The following ZNF507 variants were observed in gnomAD, a reference collection of about 807,000 sequenced individuals.
ZNF507 encodes the protein zinc finger protein 507.
Under a neutral mutation model 80.0 loss-of-function variants are expected in ZNF507, and 29 were observed. That is an observed-to-expected ratio of 0.36 (90% CI 0.27 to 0.49). The LOEUF is 0.49. ZNF507 is among the 20% of genes least tolerant of loss of function. The pLI is 0.98. For synonymous variants in ZNF507, 462 were observed against 422.5 expected (o/e 1.09, Z -1.15); for missense variants, 1,081 against 1,152.2 (o/e 0.94, Z 0.90).
intron 5 of ZNF507, among the ~76,000 whole-genome samples, chr19:32,375,400 G>A (rs759053992): frequency 6.6e-6 from 1 of 152,220 alleles, no homozygotes; most frequent in Non-Finnish European, 1.5e-5. Flanking sequence ...AAACATGAAG[G>A]ACACAGGGAC....
chr19:32,361,687 CTTCCTTTCCTTCCTTTCCTTCCTTCCT>C (rs2145325553), intron 5 of ZNF507, among the ~76,000 whole-genome samples: 1 of 20,742 alleles, frequency 4.8e-5, no homozygotes, highest in African/African-American at 1.1e-4. Context: ...CCTTTCCTTC[CTTCCTTTCCTTCCTTTCCTTCCTTCCT>C]TTCCTTTCTT....
chr19:32,354,985 G>A, intron 3 of ZNF507, 28 bp downstream of exon 3: 2 of 1,551,172 alleles, frequency 1.3e-6, no homozygotes, highest in Non-Finnish European at 1.7e-6. Context: ...AAGTCTTTCA[G>A]AGGACCTTCG....
At chr19:32,370,853 G>A (rs1967460773) in intron 5 of ZNF507, among the ~76,000 whole-genome samples, 1 of 152,090 alleles carries the variant, frequency 6.6e-6, no homozygotes, top group Admixed American at 6.5e-5. Context: ...GAATTTGATG[G>A]TTTCTGATAT....
rs1034844952 is a variant in ZNF507 at position 32,384,120 on chromosome 19, T to C, written c.*1037T>C. On this transcript the variant is annotated 3_prime_UTR_variant, in exon 7 of 7. Coordinates refer to ENST00000355898, the MANE Select transcript of ZNF507 (RefSeq NM_001136156.2). ...TTCCTGGGGTATATTAATTTAGTTA[T>C]ATTTAGCAGAAGAGGAATATAACCA... is the stretch of plus-strand genomic sequence containing the variant. 6.6e-6 allele frequency: 1 copy of C among 152,256 alleles called. No individual in the cohort carries two copies. The highest frequency in any genetic ancestry group is 1.5e-5 in the Non-Finnish European group (1 of 68,052). 9.4% of individuals were successfully genotyped at this position (152,256 alleles called of 1,614,324 possible).
In ZNF507 at chr19:32,354,837, T is replaced by C. The variant is rs781408756; in HGVS notation, c.2007T>C (p.Tyr669=). 7 of 1,614,046 alleles carry C rather than the reference T, an allele frequency of 4.3e-6. No individual in the cohort carries two copies. Among genetic ancestry groups the C allele is most frequent in the Non-Finnish European group, 5.9e-6 (7 of 1,180,036 alleles). The change falls in exon 3 of 7, where the codon TAT becomes TAC. Residue 669 remains tyrosine, a synonymous_variant. Coordinates refer to ENST00000355898, the MANE Select transcript of ZNF507 (RefSeq NM_001136156.2). ...GAGTCCATCGACAGAGACAGCCTTA[T>C]CAGTGTCCTATCTGCGAGCACATAG... The part of the protein sequence containing the change: ...HLRVHRQRQP[Y]QCPICEHIAD...
chr19:32,380,533 A>T, intron 5 of ZNF507: 2 of 1,420,550 alleles, frequency 1.4e-6, no homozygotes, highest in Non-Finnish European at 1.9e-6. Context: ...ACCGTATTTA[A>T]TTGTTTTATT....
At position 32,385,132 on chromosome 19, in the gene ZNF507, C is replaced by G. The variant is rs1166374449; in HGVS notation, c.*2049C>G. On this transcript the variant is annotated 3_prime_UTR_variant, in exon 7 of 7. Transcript: ENST00000355898. ...AATTTCCTTGGCTTTAGTTTTATATCATATTTAGAAAATAATAATGAAAAG... is the reference window on the plus strand; with the variant it reads ...AATTTCCTTGGCTTTAGTTTTATATGATATTTAGAAAATAATAATGAAAAG... 1 of 152,070 alleles carries G rather than the reference C, an allele frequency of 6.6e-6. No individual in the cohort carries two copies. The highest frequency in any genetic ancestry group is 2.4e-5 in the African/African-American group (1 of 41,420). The allele number at this position is 152,070 out of a possible 1,614,324, so 9.4% of individuals were successfully genotyped here. A position where few individuals can be genotyped will look rare whatever the true frequency, so the allele number is the denominator to read the frequency against.
At chr19:32,372,517 G>A (rs992146599) in intron 5 of ZNF507, among the ~76,000 whole-genome samples, 4 of 151,944 alleles carry the variant, frequency 2.6e-5, no homozygotes, top group African/African-American at 7.3e-5. Flanking sequence ...TCTGCAGGCC[G>A]AAAAGTTTGA....
At chr19:32,377,261 A>G (rs1276025184) in intron 5 of ZNF507, among the ~76,000 whole-genome samples, 1 of 152,038 alleles carries the variant, frequency 6.6e-6, no homozygotes, top group Non-Finnish European at 1.5e-5. Flanking sequence ...TCCGCTTGGC[A>G]ATGGGCATCT....
rs1967655603 is a variant in ZNF507 at position 32,383,887 on chromosome 19, T to C, written c.*804T>C. 1 of 152,240 alleles carries C rather than the reference T, an allele frequency of 6.6e-6. No homozygotes were observed. Among genetic ancestry groups the C allele is most frequent in the African/African-American group, 2.4e-5 (1 of 41,468 alleles). 9.4% of individuals were successfully genotyped at this position (152,240 alleles called of 1,614,324 possible). A position where few individuals can be genotyped will look rare whatever the true frequency, so the allele number is the denominator to read the frequency against. On this transcript the variant is annotated 3_prime_UTR_variant, in exon 7 of 7. Coordinates refer to ENST00000355898, the MANE Select transcript of ZNF507 (RefSeq NM_001136156.2). ...CAGTGTCTGTCAGAACTTGGCATAC[T>C]TTCTCCATAGTACGTAGACCTTCTA... is the stretch of plus-strand genomic sequence containing the variant.
chr19:32,369,344 C>T (rs966827438), intron 5 of ZNF507, among the ~76,000 whole-genome samples: 1 of 152,150 alleles, frequency 6.6e-6, no homozygotes, highest in African/African-American at 2.4e-5. Flanking sequence ...TATGACTTTG[C>T]CTTGGTAGAC....
intron 4 of ZNF507, among the ~76,000 whole-genome samples, chr19:32,360,071 C>T (rs1222202075): frequency 6.6e-6 from 1 of 152,132 alleles, no homozygotes; most frequent in Non-Finnish European, 1.5e-5. Flanking sequence ...CATAGCCACA[C>T]TTTATAATAT....
At chr19:32,375,448 C>T (rs1335943530) in intron 5 of ZNF507, among the ~76,000 whole-genome samples, 1 of 152,180 alleles carries the variant, frequency 6.6e-6, no homozygotes, top group Non-Finnish European at 1.5e-5. Context: ...TCAGTGTAGT[C>T]CATGCTGTGA....
In ZNF507 at chr19:32,354,770, A is replaced by G. The variant is rs747329123; in HGVS notation, c.1940A>G (p.His647Arg). 9.9e-6 allele frequency: 16 copies of G among 1,614,048 alleles called. No homozygotes were observed. In the East Asian group the frequency reaches 2.7e-4, roughly 27 times the overall value. ...AERPYRCRLC[H>R]YTSGNKGYIK... The stretch of plus-strand genomic sequence containing the variant: ...CGACCCTACCGTTGCCGCCTGTGTC[A>G]CTACACAAGTGGCAACAAGGGCTAC... Residue 647 changes from histidine to arginine, a missense_variant, in exon 3 of 7, where the codon CAC becomes CGC. Physicochemically the swap from His to Arg is conservative, Grantham distance 29. This residue lies in a region of ZNF507 where 614 missense variants were observed against 583.9 expected (regional missense o/e 1.05). Coordinates refer to ENST00000355898, the MANE Select transcript of ZNF507 (RefSeq NM_001136156.2).
At position 32,352,815 on chromosome 19, in the gene ZNF507, A is replaced by G. The variant is rs77674535; in HGVS notation, c.-2-14A>G. On this transcript the variant is annotated splice_polypyrimidine_tract_variant and intron_variant, in intron 2 of 6. Coordinates refer to ENST00000355898, the MANE Select transcript of ZNF507 (RefSeq NM_001136156.2). ...GTAACCTGGTATTTTTCTGTTTTAC[A>G]TTATCCTTTTTAGATATGGAAGAAA... The G allele has an allele frequency of 3.2e-4, 501 of 1,548,332 alleles. 1 individual carries two copies. In the African/African-American group the frequency reaches 6.2e-3, roughly 19 times the overall value.
At chr19:32,360,913 A>C (rs1967314035) in intron 5 of ZNF507, among the ~76,000 whole-genome samples, 1 of 152,208 alleles carries the variant, frequency 6.6e-6, no homozygotes, top group Non-Finnish European at 1.5e-5. Context: ...CTGGGATTGC[A>C]GGCGTGAGCC....
Position 32,352,902 on chromosome 19 carries a change from A to G in ZNF507, c.72A>G (p.Glu24=), listed in dbSNP as rs1967188954. Residue 24 remains glutamate, a synonymous_variant, in exon 3 of 7, where the codon GAA becomes GAG. Coordinates refer to ENST00000355898, the MANE Select transcript of ZNF507 (RefSeq NM_001136156.2). ...AACAGGAAGCTATACTGACTGCTGA[A>G]AGTATCATCAGTCCTTCATTGGAAA... ...IGEQEAILTA[E]SIISPSLEID... is the part of the protein sequence containing the mutation. The G allele has an allele frequency of 4.3e-6, 7 of 1,613,428 alleles. No homozygotes were observed. The Admixed American group carries it at 5.0e-5, about 12-fold the overall frequency.
chr19:32,378,261 G>A (rs147750283), intron 5 of ZNF507, among the ~76,000 whole-genome samples: 103 of 152,290 alleles, frequency 6.8e-4, no homozygotes, highest in African/African-American at 2.4e-3. Context: ...GCTGAGGCAG[G>A]AGAATCGCTT....
rs1311436240 is a variant in ZNF507 at position 32,352,758 on chromosome 19, T to C, written c.-2-71T>C. 8.0e-6 allele frequency: 11 copies of C among 1,378,270 alleles called. No individual in the cohort carries two copies. The Admixed American group carries it at 1.6e-4, about 21-fold the overall frequency. 85.4% of individuals were successfully genotyped at this position (1,378,270 alleles called of 1,614,324 possible). Reference sequence around the variant, plus strand: ...GATTACAGACACTAACATTCTCTTATATTTTCCAAATTACATGCCTGTAAT... The same window carrying C: ...GATTACAGACACTAACATTCTCTTACATTTTCCAAATTACATGCCTGTAAT... On this transcript the variant is annotated intron_variant, in intron 2 of 6. Transcript: ENST00000355898.
Sources: gnomAD v4.1 joint callset for allele counts (sites outside exome capture counted in the v4.1 genomes callset) on GRCh38, gnomAD v4.1.1 for gene constraint, gnomAD v4.1.1 regional missense constraint, MANE v1.5 for transcripts, NCBI Gene and HGNC (gene_info 2026-07-23, HGNC 2026-07-21) for gene names.